KIFBP: variants seen among roughly 807,000 people sequenced by gnomAD.
KIFBP encodes kinesin family binding protein.
Under a neutral mutation model 58.9 loss-of-function variants are expected in KIFBP, and 46 were observed. The ratio of observed to expected loss-of-function variants is 0.78; its 90% CI spans 0.62 to 1.00. The LOEUF (loss-of-function observed/expected upper bound fraction) is 1.00, where lower values mean the gene tolerates loss of function less well. Among genes scored for constraint, KIFBP ranks in the 50% least tolerant of loss-of-function variants. The pLI is 0.00. For synonymous variants in KIFBP, 241 were observed against 283.4 expected, an observed-to-expected ratio of 0.85 and a Z score of 1.50; for missense variants, 651 against 752.9, an observed-to-expected ratio of 0.86 and a Z score of 1.58.
chr10:68,995,405 T>A (rs999952767), intron 1 of KIFBP: 6 of 152,230 alleles, frequency 3.9e-5, no homozygotes, highest in Non-Finnish European at 5.9e-5. Context: ...ACTGAGCTGA[T>A]CGTGTCTTTT....
At position 69,016,240 on chromosome 10, in the gene KIFBP, A is replaced by C. The variant is rs1355001362; in HGVS notation, c.1690A>C (p.Lys564Gln). 26 of 1,600,930 alleles carry C rather than the reference A, an allele frequency of 1.6e-5. No homozygotes were observed. The highest frequency in any genetic ancestry group is 2.2e-5 in the Non-Finnish European group (26 of 1,174,364). ...YGKIITADPK[K>Q]ELENLATSLE... ...CAAAATCATTACTGCAGATCCCAAG[A>C]AAGAGCTGGAAAATTTGGCAACATC... The change falls in exon 7 of 7, where the codon AAA (lysine) becomes CAA (glutamine). Residue 564 changes from lysine (K) to glutamine (Q), a missense_variant. Physicochemically the swap from Lys to Gln is moderately conservative, Grantham distance 53 (BLOSUM62 1). Transcript: ENST00000361983.
At chr10:69,003,106 A>G (rs1475135114) in intron 2 of KIFBP, among the ~76,000 whole-genome samples, 1 of 151,464 alleles carries the variant, frequency 6.6e-6, no homozygotes, top group African/African-American at 2.4e-5. Context: ...TAGTATTTGT[A>G]TGGAAACATA....
intron 2 of KIFBP, among the ~76,000 whole-genome samples, chr10:69,002,190 C>T (rs1444429644): frequency 1.3e-5 from 2 of 150,404 alleles, no homozygotes; most frequent in African/African-American, 4.9e-5. Context: ...GATGGAGTCT[C>T]GCTCTGTTGT....
intron 4 of KIFBP, among the ~76,000 whole-genome samples, chr10:69,008,509 C>CAAAA (rs1355856400): frequency 2.0e-5 from 3 of 147,198 alleles, no homozygotes; most frequent in African/African-American, 7.6e-5. Context: ...GTTTTTGAGA[C>CAAAA]AGTTTAAGTC....
intron 1 of KIFBP, among the ~76,000 whole-genome samples, chr10:68,994,847 C>A (rs1262724616): frequency 6.6e-6 from 1 of 151,666 alleles, no homozygotes; most frequent in African/African-American, 2.4e-5. Context: ...TGTAGTCCCT[C>A]CCTCTCTCCT....
chr10:69,015,963 A>T lies in KIFBP; in HGVS notation c.1413A>T (p.Arg471Ser). The change falls in exon 7 of 7, where the codon AGA becomes AGT. Residue 471 changes from arginine to serine, a missense_variant. Physicochemically the swap from Arg to Ser is moderately radical, Grantham distance 110. Transcript: ENST00000361983. ...CACAGTATTATCTGTTGGTCAACAGACAGATCCAGTTTGAAATTGCACATG... is the reference window on the plus strand; with the variant it reads ...CACAGTATTATCTGTTGGTCAACAGTCAGATCCAGTTTGAAATTGCACATG... ...LNPQYYLLVN[R>S]QIQFEIAHAY... 1 of 1,614,206 alleles carries T rather than the reference A, an allele frequency of 6.2e-7. No individual in the cohort carries two copies. Among genetic ancestry groups the T allele is most frequent in the Non-Finnish European group, 8.5e-7 (1 of 1,180,024 alleles).
At chr10:69,010,749 G>T (rs888367249) in intron 5 of KIFBP, 151 bp from the exon 6 acceptor site, 4 of 653,450 alleles carry the variant, frequency 6.1e-6, no homozygotes, top group East Asian at 2.8e-5. Context: ...GATTTGGGGG[G>T]GGATCTTTCT....
intron 2 of KIFBP, among the ~76,000 whole-genome samples, chr10:69,004,239 A>AG (rs1564636543): frequency 2.0e-5 from 3 of 151,044 alleles, no homozygotes; most frequent in African/African-American, 7.3e-5. Flanking sequence ...AAAAAAAAAA[A>AG]AAACTTAAAG....
intron 1 of KIFBP, among the ~76,000 whole-genome samples, chr10:68,994,827 T>C (rs1257027657): frequency 6.6e-6 from 1 of 151,892 alleles, no homozygotes. Flanking sequence ...AAAGTTTTCT[T>C]GTGCTCCTTT....
chr10:69,008,802 T>A (rs764846389), intron 4 of KIFBP, 39 bp from the exon 5 acceptor site: 24 of 1,421,054 alleles, frequency 1.7e-5, no homozygotes, highest in Non-Finnish European at 2.2e-5. Context: ...AATAAAGCTG[T>A]GTGATAGTTG....
chr10:68,998,195 C>T (rs925876697), intron 1 of KIFBP, among the ~76,000 whole-genome samples: 10 of 152,188 alleles, frequency 6.6e-5, no homozygotes, highest in African/African-American at 2.2e-4. Context: ...CCGTGACCTG[C>T]CCGCTTCAGC....
intron 2 of KIFBP, among the ~76,000 whole-genome samples, chr10:69,001,869 A>G (rs1209173037): frequency 6.6e-6 from 1 of 152,052 alleles, no homozygotes; most frequent in East Asian, 2.0e-4. Flanking sequence ...TTCATGCGTC[A>G]GAATGCTTGA....
chr10:69,005,625 A>G lies in KIFBP; in HGVS notation c.606-107A>G. 3 of 831,676 alleles carry G rather than the reference A, an allele frequency of 3.6e-6. No homozygotes were observed. The South Asian group carries it at 4.6e-5, about 13-fold the overall frequency. 51.5% of individuals were successfully genotyped at this position (831,676 alleles called of 1,614,324 possible). On this transcript the variant is annotated intron_variant, in intron 3 of 6. Coordinates refer to ENST00000361983, the MANE Select transcript of KIFBP (RefSeq NM_015634.4). ...CAGGAGGCGGAGGCAGTGAGCCAAG[A>G]TCGTGCCACTGTACTCCAGCCTGGG...
rs1838993467 is a variant in KIFBP, at chr10:69,015,834, T to C, written c.1284T>C (p.Ala428=). ...DHIEVVQDHS[A]LFKVLAFFET... ...TTGAAGTTGTCCAAGACCACAGTGC[T>C]CTGTTTAAGGTGCTTGCATTCTTTG... Residue 428 remains alanine (A), a synonymous_variant, in exon 7 of 7, where the codon GCT becomes GCC. Coordinates refer to ENST00000361983, the MANE Select transcript of KIFBP (RefSeq NM_015634.4). 1 of 1,614,202 alleles carries C rather than the reference T, an allele frequency of 6.2e-7. No individual in the cohort carries two copies.
intron 2 of KIFBP, among the ~76,000 whole-genome samples, chr10:69,001,043 T>C (rs893541395): frequency 2.6e-5 from 4 of 152,086 alleles, no homozygotes; most frequent in Admixed American, 2.0e-4. Context: ...CCTGCCTGGG[T>C]GATGCTTAAA....
intron 2 of KIFBP, among the ~76,000 whole-genome samples, chr10:69,004,039 G>A (rs1335358284): frequency 8.6e-5 from 13 of 151,882 alleles, no homozygotes; most frequent in Admixed American, 8.5e-4. Flanking sequence ...GGCCAACATG[G>A]AGAAACCCCG....
intron 1 of KIFBP, among the ~76,000 whole-genome samples, chr10:68,998,079 C>A (rs1843425996): frequency 6.6e-6 from 1 of 152,086 alleles, no homozygotes; most frequent in Non-Finnish European, 1.5e-5. Context: ...TCAGGTAGTT[C>A]TTTATAGCAA....
chr10:68,989,234 C>A lies in KIFBP; in HGVS notation c.402C>A (p.Cys134Ter). The part of the protein sequence containing the change: ...LLRRYRLSHD[C>*]ISLCIQAQNN... ...GCAGGTACCGGCTCTCGCACGACTG[C>A]ATCTCTCTCTGCATCCAGGCGCAGG... Residue 134 changes from cysteine (C) to a stop codon, truncating the protein, a stop_gained, in exon 1 of 7, where the codon TGC becomes TGA. Coordinates refer to ENST00000361983, the MANE Select transcript of KIFBP (RefSeq NM_015634.4). LOFTEE classifies it high-confidence loss of function. The A allele has an allele frequency of 6.2e-7, 1 of 1,613,530 alleles. No individual in the cohort carries two copies. The highest frequency in any genetic ancestry group is 8.5e-7 in the Non-Finnish European group (1 of 1,179,956).
At chr10:69,008,378 A>T (rs1250628888) in intron 4 of KIFBP, among the ~76,000 whole-genome samples, 6 of 43,930 alleles carry the variant, frequency 1.4e-4, no homozygotes, top group Non-Finnish European at 2.1e-4. Flanking sequence ...CCTGTCTCGT[A>T]AAAAAAAAAA....
Sources: gnomAD v4.1 joint callset for allele counts (sites outside exome capture counted in the v4.1 genomes callset) on GRCh38, gnomAD v4.1.1 for gene constraint, MANE v1.5 for transcripts, NCBI Gene and HGNC (gene_info 2026-07-23, HGNC 2026-07-21) for gene names.